The following SNX29 variants were observed in gnomAD, a reference collection of about 807,000 sequenced individuals.
The protein encoded by SNX29 is sorting nexin 29.
A neutral mutation model predicts 102.1 loss-of-function variants in SNX29; 78 were observed. That is an observed-to-expected ratio of 0.76 (90% confidence interval 0.64 to 0.92). The LOEUF is 0.92. SNX29 is among the 40% of genes least tolerant of loss of function. The probability of loss-of-function intolerance (pLI) is 0.00; values close to 1 mark genes in which losing one functional copy is unlikely to be tolerated. For missense variants in SNX29, 1,280 were observed against 1,061.7 expected (o/e 1.21, Z -2.86); for synonymous variants, 580 against 414.5 (o/e 1.40, Z -4.85).
At chr16:12,213,366 G>A (rs2077238677) in intron 14 of SNX29, among the ~76,000 whole-genome samples, 2 of 152,080 alleles carry the variant, frequency 1.3e-5, no homozygotes, top group Non-Finnish European at 2.9e-5. Context: ...CTACCTATTG[G>A]GTCTAGAGTA....
chr16:12,049,516 A>G (rs983181452), intron 7 of SNX29, among the ~76,000 whole-genome samples: 2 of 152,032 alleles, frequency 1.3e-5, no homozygotes, highest in African/African-American at 2.4e-5. Context: ...TATTTTTAGC[A>G]GAGACAGGGT....
At chr16:12,236,172 A>G (rs993285501) in intron 14 of SNX29, among the ~76,000 whole-genome samples, 36 of 152,180 alleles carry the variant, frequency 2.4e-4, no homozygotes, top group Non-Finnish European at 8.8e-5. Context: ...ATCTCATCAA[A>G]TACCCATCCA....
chr16:12,462,611 C>T (rs186930842), intron 18 of SNX29, among the ~76,000 whole-genome samples: 416 of 151,988 alleles, frequency 2.7e-3, no homozygotes, highest in Non-Finnish European at 4.6e-3. Flanking sequence ...CACACACACA[C>T]GTGACTGGAG....
chr16:12,412,444 A>G (rs1391185808), intron 18 of SNX29, among the ~76,000 whole-genome samples: 2 of 152,224 alleles, frequency 1.3e-5, no homozygotes, highest in Non-Finnish European at 2.9e-5. Context: ...TCATTGACCC[A>G]TCACTCATTG....
intron 20 of SNX29, among the ~76,000 whole-genome samples, chr16:12,553,355 C>T (rs534562104): frequency 1.2e-4 from 18 of 152,320 alleles, no homozygotes; most frequent in South Asian, 4.1e-4. Flanking sequence ...AGCTCGTCTT[C>T]TCAGAGCTTG....
intron 18 of SNX29, among the ~76,000 whole-genome samples, chr16:12,464,229 C>CGTGTGTGTGTGTGTGTGT (rs138917966): frequency 0.031 from 4,350 of 140,974 alleles, 141 homozygotes; most frequent in East Asian, 0.17. Flanking sequence ...TATTCCATGG[C>CGTGTGTGTGTGTGTGTGT]GTGTGTGTGT....
At chr16:12,109,753 C>T (rs180704915) in intron 11 of SNX29, among the ~76,000 whole-genome samples, 8 of 151,166 alleles carry the variant, frequency 5.3e-5, no homozygotes, top group South Asian at 4.2e-4. Context: ...TTTTTTGACA[C>T]GGAATCCCGC....
chr16:12,539,829 C>T (rs747663399), intron 20 of SNX29, among the ~76,000 whole-genome samples: 13 of 152,164 alleles, frequency 8.5e-5, no homozygotes, highest in African/African-American at 3.1e-4. Flanking sequence ...TTAACACATC[C>T]TCTTTGGGGA....
rs1279518968 is a variant in SNX29 at position 12,426,526 on chromosome 16, CACAAGTAAT to C, written c.2037+23000_2037+23008del. Among the ~76,000 whole-genome samples the C allele has an allele frequency of 2.0e-5, 3 of 152,096 alleles. No homozygotes were observed. The East Asian group carries it at 5.8e-4, about 29-fold the overall frequency. ...GTAGAATAGAAATATAATGTGCCTT[CACAAGTAAT>C]ACTCACTATAGAAAACCCCAGGAAG... On this transcript the variant is annotated intron_variant, in intron 18 of 20. Coordinates refer to ENST00000566228, the MANE Select transcript of SNX29 (RefSeq NM_032167.5).
At chr16:12,155,377 C>G (rs143915174) in intron 13 of SNX29, among the ~76,000 whole-genome samples, 3 of 152,146 alleles carry the variant, frequency 2.0e-5, no homozygotes, top group East Asian at 1.9e-4. Flanking sequence ...GAGCAGCTCA[C>G]GTGAAGAGCC....
In SNX29 at chr16:12,368,088, A is replaced by G. The variant is rs553410752; in HGVS notation, c.1899+11809A>G. On this transcript the variant is annotated intron_variant, in intron 16 of 20. Coordinates refer to ENST00000566228, the MANE Select transcript of SNX29 (RefSeq NM_032167.5). ...CACCTGGGGGGAGTTGGAAGTATTAATATCACAGAGCTTTCTTTTCTGATG... is the reference window on the plus strand; with the variant it reads ...CACCTGGGGGGAGTTGGAAGTATTAGTATCACAGAGCTTTCTTTTCTGATG... Among the ~76,000 whole-genome samples, 297 of 152,296 alleles carry G rather than the reference A, an allele frequency of 2.0e-3. 2 individuals are homozygous for G. Among genetic ancestry groups the G allele is most frequent in the African/African-American group, 6.8e-3 (282 of 41,564 alleles).
chr16:12,422,245 G>A (rs543249208), intron 18 of SNX29, among the ~76,000 whole-genome samples: 11 of 152,190 alleles, frequency 7.2e-5, no homozygotes, highest in Non-Finnish European at 1.2e-4. Flanking sequence ...GCACCTGTTG[G>A]GCCTCAGGTT....
At chr16:12,368,899 T>C (rs2082582076) in intron 16 of SNX29, among the ~76,000 whole-genome samples, 1 of 152,338 alleles carries the variant, frequency 6.6e-6, no homozygotes, top group South Asian at 2.1e-4. Context: ...TCTCTGTTCT[T>C]TGAATTTCAT....
At chr16:12,479,888 GA>G (rs2087826301) in intron 19 of SNX29, among the ~76,000 whole-genome samples, 1 of 152,168 alleles carries the variant, frequency 6.6e-6, no homozygotes, top group Non-Finnish European at 1.5e-5. Flanking sequence ...TTTGGAAGGG[GA>G]AAACTCTTAG....
intron 20 of SNX29, among the ~76,000 whole-genome samples, chr16:12,567,185 C>G (rs1567221406): frequency 1.3e-5 from 2 of 152,282 alleles, no homozygotes; most frequent in African/African-American, 4.8e-5. Context: ...ATCTGACATT[C>G]TCACTTGGCA....
intron 18 of SNX29, among the ~76,000 whole-genome samples, chr16:12,464,092 G>T (rs75187629): frequency 0.018 from 2,713 of 151,356 alleles, 77 homozygotes; most frequent in African/African-American, 0.062. Flanking sequence ...ACTCACGTCC[G>T]CCTGTAAGTG....
intron 14 of SNX29, among the ~76,000 whole-genome samples, chr16:12,210,398 G>A (rs1300124167): frequency 6.7e-6 from 1 of 150,342 alleles, no homozygotes; most frequent in African/African-American, 2.5e-5. Context: ...GACGATCATA[G>A]TTCACTGCAG....
intron 14 of SNX29, among the ~76,000 whole-genome samples, chr16:12,200,407 C>T (rs1316238774): frequency 3.3e-5 from 5 of 151,904 alleles, no homozygotes; most frequent in African/African-American, 9.7e-5. Flanking sequence ...GCCAAAAGAC[C>T]GTAACAAAAT....
chr16:12,164,004 G>T (rs1436389205), intron 13 of SNX29, among the ~76,000 whole-genome samples: 3 of 152,190 alleles, frequency 2.0e-5, no homozygotes, highest in African/African-American at 7.2e-5. Context: ...ATGATGATGT[G>T]AATCTGCAAA....
Sources: gnomAD v4.1 joint callset for allele counts (sites outside exome capture counted in the v4.1 genomes callset) on GRCh38, gnomAD v4.1.1 for gene constraint, MANE v1.5 for transcripts, NCBI Gene and HGNC (gene_info 2026-07-23, HGNC 2026-07-21) for gene names.